The following ASIC2 variants were observed in gnomAD, a reference collection of about 807,000 sequenced individuals.
The protein encoded by ASIC2 is acid-sensing ion channel 2.
In ASIC2, 25 loss-of-function variants were observed where a neutral mutation model predicts 57.3. The observed-to-expected ratio is 0.44, with a 90% confidence interval of 0.32 to 0.61. ASIC2 has a LOEUF of 0.61. Ranked by LOEUF, ASIC2 falls within the 20% of genes least tolerant of loss-of-function variation. The pLI is 0.06. For synonymous variants in ASIC2, 319 were observed against 307.5 expected (o/e 1.04, Z -0.39); for missense variants, 641 against 738.1 (o/e 0.87, Z 1.52).
chr17:34,013,014 G>A (rs1232977506), intron 1 of ASIC2, among the ~76,000 whole-genome samples: 1 of 152,172 alleles, frequency 6.6e-6, no homozygotes, highest in Admixed American at 6.5e-5. Flanking sequence ...AAGCAGTGAG[G>A]GGGACAGCCT....
chr17:33,855,524 T>C (rs1182081894), intron 1 of ASIC2, among the ~76,000 whole-genome samples: 1 of 152,172 alleles, frequency 6.6e-6, no homozygotes, highest in Non-Finnish European at 1.5e-5. Context: ...GATAATTCTT[T>C]GGTGGAGAAG....
intron 1 of ASIC2, among the ~76,000 whole-genome samples, chr17:33,735,376 A>G (rs899001152): frequency 1.6e-4 from 24 of 152,298 alleles, no homozygotes; most frequent in Admixed American, 7.2e-4. Flanking sequence ...TTCCTGGTAC[A>G]GGCCATTAGG....
At chr17:33,940,699 A>G (rs1194642966) in intron 1 of ASIC2, among the ~76,000 whole-genome samples, 1 of 152,242 alleles carries the variant, frequency 6.6e-6, no homozygotes, top group Non-Finnish European at 1.5e-5. Context: ...TCTCTCACAT[A>G]ATCACAATAC....
intron 1 of ASIC2, among the ~76,000 whole-genome samples, chr17:34,142,668 G>A: frequency 6.6e-6 from 1 of 152,124 alleles, no homozygotes; most frequent in East Asian, 1.9e-4. Context: ...AGCAAACTTG[G>A]GCTGGACATT....
At chr17:34,154,220 C>T (rs1047566121) in intron 1 of ASIC2, among the ~76,000 whole-genome samples, 6 of 152,098 alleles carry the variant, frequency 3.9e-5, no homozygotes, top group Non-Finnish European at 7.4e-5. Flanking sequence ...CGTTGCCAGG[C>T]GCTAGAAAGA....
chr17:33,662,644 T>TAAAC (rs1202429752), intron 1 of ASIC2, among the ~76,000 whole-genome samples: 2 of 138,182 alleles, frequency 1.4e-5, no homozygotes, highest in East Asian at 4.8e-4. Context: ...AATAAATAAA[T>TAAAC]AAATAAATAA....
intron 1 of ASIC2, among the ~76,000 whole-genome samples, chr17:33,537,105 T>G (rs886170901): frequency 6.6e-6 from 1 of 152,210 alleles, no homozygotes; most frequent in African/African-American, 2.4e-5. Flanking sequence ...AATTAAAATT[T>G]CTTTTTGTAG....
At chr17:33,120,707 G>A (rs1260647889) in intron 1 of ASIC2, among the ~76,000 whole-genome samples, 2 of 152,180 alleles carry the variant, frequency 1.3e-5, no homozygotes, top group East Asian at 1.9e-4. Context: ...GGCATTTCTG[G>A]GTTTGATGGA....
At position 33,166,974 on chromosome 17, in the gene ASIC2, A is replaced by G. The variant is rs190587158; in HGVS notation, c.709-54907T>C. 5.3e-5 allele frequency among the ~76,000 whole-genome samples: 8 copies of G among 152,312 alleles called. No individual in the cohort carries two copies. In the East Asian group the frequency reaches 9.6e-4, roughly 18 times the overall value. On this transcript the variant is annotated intron_variant, in intron 1 of 9. Transcript: ENST00000225823. ...GGAATCATAGAATCACAGAATCACA[A>G]TATCTTATGACTGGAAGAGCCAGCA...
chr17:33,168,730 A>T (rs940851533), intron 1 of ASIC2, among the ~76,000 whole-genome samples: 2 of 152,244 alleles, frequency 1.3e-5, no homozygotes, highest in Non-Finnish European at 1.5e-5. Flanking sequence ...ACTTTTAACC[A>T]CAAATAGTAA....
chr17:33,843,874 T>C (rs1169693923), intron 1 of ASIC2, among the ~76,000 whole-genome samples: 2 of 152,206 alleles, frequency 1.3e-5, no homozygotes, highest in Non-Finnish European at 2.9e-5. Context: ...ATGACTCTGA[T>C]GAGTTACACA....
At chr17:33,357,446 AGT>A (rs772694462) in intron 1 of ASIC2, among the ~76,000 whole-genome samples, 4 of 152,158 alleles carry the variant, frequency 2.6e-5, no homozygotes, top group Non-Finnish European at 5.9e-5. Flanking sequence ...GATCTTAGGC[AGT>A]TAGTTATTTC....
intron 1 of ASIC2, among the ~76,000 whole-genome samples, chr17:33,524,604 T>C (rs1389392593): frequency 1.3e-5 from 2 of 152,204 alleles, no homozygotes; most frequent in Non-Finnish European, 2.9e-5. Context: ...TGCATATGGC[T>C]AACGAGGATG....
At chr17:34,124,829 A>G (rs1911730529) in intron 1 of ASIC2, among the ~76,000 whole-genome samples, 1 of 151,966 alleles carries the variant, frequency 6.6e-6, no homozygotes, top group African/African-American at 2.4e-5. Context: ...TCATTAACTC[A>G]TCTAAGCCTA....
At chr17:33,426,055 T>C (rs55990288) in intron 1 of ASIC2, among the ~76,000 whole-genome samples, 111,033 of 152,040 alleles carry the variant, frequency 0.73, 41,181 homozygotes, top group Middle Eastern at 0.79. Flanking sequence ...AACCTGCCAC[T>C]CAGCCAACCA....
intron 1 of ASIC2, among the ~76,000 whole-genome samples, chr17:33,622,101 C>T (rs1479647730): frequency 6.6e-6 from 1 of 151,906 alleles, no homozygotes; most frequent in Non-Finnish European, 1.5e-5. Flanking sequence ...AAATACTCTT[C>T]AGGATCCTAC....
chr17:33,447,201 A>C (rs577311720), intron 1 of ASIC2, among the ~76,000 whole-genome samples: 1 of 152,154 alleles, frequency 6.6e-6, no homozygotes, highest in Admixed American at 6.5e-5. Flanking sequence ...AGTTGTCTGC[A>C]ATTGAACGGT....
At chr17:33,567,017 A>C (rs1342356754) in intron 1 of ASIC2, among the ~76,000 whole-genome samples, 3 of 152,128 alleles carry the variant, frequency 2.0e-5, no homozygotes, top group African/African-American at 7.2e-5. Context: ...TGATTCTTTC[A>C]AGTAGATATG....
chr17:34,008,654 T>C (rs1290514723), intron 1 of ASIC2, among the ~76,000 whole-genome samples: 1 of 152,250 alleles, frequency 6.6e-6, no homozygotes, highest in South Asian at 2.1e-4. Context: ...AATTTGTTAT[T>C]GTGACAAGGG....
Sources: allele counts gnomAD v4.1 joint callset (sites outside exome capture counted in the v4.1 genomes callset), GRCh38; gene constraint gnomAD v4.1.1; transcripts MANE v1.5; gene names NCBI Gene and HGNC (gene_info 2026-07-23, HGNC 2026-07-21).